The following IL15 variants were observed in gnomAD, a reference collection of about 807,000 sequenced individuals.
IL15 encodes the protein interleukin-15.
Under a neutral mutation model 19.6 loss-of-function variants are expected in IL15, and 11 were observed. The ratio of observed to expected loss-of-function variants is 0.56; its 90% CI spans 0.35 to 0.93. The LOEUF is 0.93. Ranked by LOEUF, IL15 falls within the 40% of genes least tolerant of loss-of-function variation. IL15 has a pLI of 0.01. For synonymous variants in IL15, 58 were observed against 59.6 expected (o/e 0.97, Z 0.12); for missense variants, 197 against 186.5 (o/e 1.06, Z -0.33).
intron 2 of IL15, among the ~76,000 whole-genome samples, chr4:141,674,592 TA>T (rs896108383): frequency 3.9e-4 from 56 of 143,334 alleles, no homozygotes; most frequent in East Asian, 1.0e-3. Flanking sequence ...CTCAAAAAAA[TA>T]AAAAAAAAAG....
intron 2 of IL15, chr4:141,688,772 G>A (rs1728792766): frequency 6.6e-6 from 1 of 151,748 alleles, no homozygotes; most frequent in Non-Finnish European, 1.5e-5. Flanking sequence ...AACTTAACAT[G>A]TACAACACTG....
chr4:141,707,091 A>C (rs1197959075), intron 2 of IL15, among the ~76,000 whole-genome samples: 2 of 151,982 alleles, frequency 1.3e-5, no homozygotes, highest in Non-Finnish European at 2.9e-5. Context: ...GGCTTTCTTC[A>C]TTCTCTTTTG....
At chr4:141,721,316 G>T (rs1449582203) in intron 4 of IL15, 4 of 635,398 alleles carry the variant, frequency 6.3e-6, no homozygotes, top group Non-Finnish European at 8.4e-6. Context: ...TATTTTGTCT[G>T]GATATTAAAT....
chr4:141,642,241 G>T (rs139049356), intron 1 of IL15, among the ~76,000 whole-genome samples: 54 of 152,232 alleles, frequency 3.5e-4, no homozygotes, highest in African/African-American at 1.2e-3. Context: ...GGGTAATTAT[G>T]AAAGAGGAAG....
At chr4:141,700,306 G>T (rs1464444406) in intron 2 of IL15, among the ~76,000 whole-genome samples, 4 of 152,156 alleles carry the variant, frequency 2.6e-5, no homozygotes, top group African/African-American at 4.8e-5. Flanking sequence ...TTCTTGTAGT[G>T]CTGGGTTGGT....
chr4:141,687,888 T>C (rs1271848037), intron 2 of IL15, among the ~76,000 whole-genome samples: 1 of 152,180 alleles, frequency 6.6e-6, no homozygotes, highest in Non-Finnish European at 1.5e-5. Flanking sequence ...AAAAATGCCA[T>C]ATTCATTTCA....
chr4:141,721,387 A>G (rs1270432651), intron 4 of IL15, among the ~76,000 whole-genome samples: 1 of 152,206 alleles, frequency 6.6e-6, no homozygotes, highest in Non-Finnish European at 1.5e-5. Context: ...CTACACTGGA[A>G]TGAAGTCTGT....
intron 2 of IL15, among the ~76,000 whole-genome samples, chr4:141,706,591 CT>C (rs1427128096): frequency 1.3e-5 from 2 of 151,992 alleles, no homozygotes; most frequent in African/African-American, 4.8e-5. Context: ...TTAAGCATTT[CT>C]TGTAAGATCA....
At chr4:141,653,469 C>A (rs116642028) in intron 1 of IL15, among the ~76,000 whole-genome samples, 2,958 of 152,238 alleles carry the variant, frequency 0.019, 36 homozygotes, top group African/African-American at 0.024. Context: ...TAGATGCAAC[C>A]AGTGCTATCA....
At position 141,694,451 on chromosome 4, in the gene IL15, G is replaced by C. The variant is rs550927168; in HGVS notation, c.-99-24915G>C. Among the ~76,000 whole-genome samples the C allele has an allele frequency of 9.3e-4, 141 of 152,300 alleles. 1 individual carries two copies. Among genetic ancestry groups the C allele is most frequent in the Admixed American group, 1.8e-3 (27 of 15,304 alleles). On this transcript the variant is annotated intron_variant, in intron 2 of 7. Transcript: ENST00000320650. Reference sequence around the variant, plus strand: ...AAGGTCACAGCAGGCAGAGAGGTGAGCTTAACCAGGTCAGATACTTTATCA... The same window carrying C: ...AAGGTCACAGCAGGCAGAGAGGTGACCTTAACCAGGTCAGATACTTTATCA...
At chr4:141,669,889 G>A (rs1328645268) in intron 2 of IL15, among the ~76,000 whole-genome samples, 1 of 151,250 alleles carries the variant, frequency 6.6e-6, no homozygotes, top group East Asian at 1.9e-4. Context: ...TGAGATATTG[G>A]GTCTAGAAAT....
chr4:141,689,399 G>C lies in IL15; in HGVS notation c.-99-29967G>C, dbSNP rs182653433. On this transcript the variant is annotated intron_variant, in intron 2 of 7. Transcript: ENST00000320650. ...TGAGCTAGAGACAAAGGTTCTCCACGTCCCCACCAGATTAGCTAGATGCAG... is the reference window on the plus strand; with the variant it reads ...TGAGCTAGAGACAAAGGTTCTCCACCTCCCCACCAGATTAGCTAGATGCAG... Among the ~76,000 whole-genome samples the C allele has an allele frequency of 2.4e-3, 370 of 152,204 alleles. 1 individual carries two copies. Among genetic ancestry groups the C allele is most frequent in the Non-Finnish European group, 4.2e-3 (289 of 68,020 alleles).
chr4:141,674,518 G>A lies in IL15; in HGVS notation c.-100+18211G>A, dbSNP rs571062997. ...GGAGAATCGCTTGAACCAGGGAGGC[G>A]GAGATTGCAGTGAGCCAAGATCACG... is the stretch of plus-strand genomic sequence containing the variant. On this transcript the variant is annotated intron_variant, in intron 2 of 7. Coordinates refer to ENST00000320650, the MANE Select transcript of IL15 (RefSeq NM_000585.5). 1.3e-3 allele frequency among the ~76,000 whole-genome samples: 201 copies of A among 151,970 alleles called. No homozygotes were observed. In the Middle Eastern group the frequency reaches 0.017, roughly 13 times the overall value.
intron 1 of IL15, among the ~76,000 whole-genome samples, chr4:141,641,805 C>T (rs1332130878): frequency 1.1e-4 from 16 of 150,096 alleles, no homozygotes; most frequent in Non-Finnish European, 2.1e-4. Flanking sequence ...CAAACCTGCA[C>T]GTTGTGCACA....
chr4:141,728,074 TA>T, intron 6 of IL15, 90 bp downstream of exon 6: 2 of 661,466 alleles, frequency 3.0e-6, no homozygotes, highest in South Asian at 3.7e-5. Flanking sequence ...ATGGTAGTTT[TA>T]AAATCTAACT....
chr4:141,644,682 T>C (rs764514977), intron 1 of IL15, among the ~76,000 whole-genome samples: 4 of 152,172 alleles, frequency 2.6e-5, no homozygotes, highest in Admixed American at 1.3e-4. Flanking sequence ...TGATGTAGTT[T>C]CTTGAGTGCA....
chr4:141,687,719 T>A (rs954965554), intron 2 of IL15, among the ~76,000 whole-genome samples: 2 of 152,204 alleles, frequency 1.3e-5, no homozygotes, highest in East Asian at 1.9e-4. Context: ...ATTTTATTTT[T>A]AAAAAATTTT....
chr4:141,722,089 A>G, intron 5 of IL15, 81 bp downstream of exon 5: 1 of 1,407,270 alleles, frequency 7.1e-7, no homozygotes, highest in Non-Finnish European at 9.4e-7. Flanking sequence ...GTCTGTCTTA[A>G]GGAAACCACA....
intron 3 of IL15, 46 bp downstream of exon 3, chr4:141,719,522 AG>A: frequency 7.4e-7 from 1 of 1,351,350 alleles, no homozygotes; most frequent in Non-Finnish European, 1.0e-6. Flanking sequence ...TTTCCCTTAA[AG>A]GTCGTCTGAA....
Sources: gnomAD v4.1 joint callset for allele counts (sites outside exome capture counted in the v4.1 genomes callset) on GRCh38, gnomAD v4.1.1 for gene constraint, MANE v1.5 for transcripts, NCBI Gene and HGNC (gene_info 2026-07-23, HGNC 2026-07-21) for gene names.